PLEC: variants seen among roughly 807,000 people sequenced by gnomAD.
The protein encoded by PLEC is plectin, also known as hemidesmosomal protein 1.
Under a neutral mutation model 392.8 loss-of-function variants are expected in PLEC, and 216 were observed. That is an observed-to-expected ratio of 0.55 (90% CI 0.49 to 0.62). The LOEUF (loss-of-function observed/expected upper bound fraction) is 0.62, where lower values mean the gene tolerates loss of function less well. Ranked by LOEUF, PLEC falls within the 20% of genes least tolerant of loss-of-function variation. The pLI, the probability that PLEC is intolerant of heterozygous loss-of-function variation, is 0.00. For missense variants in PLEC, 6,863 were observed against 6,563.4 expected (o/e 1.05, Z -1.58); for synonymous variants, 3,621 against 2,980.6 (o/e 1.21, Z -7.00).
upstream of PLEC, among the ~76,000 whole-genome samples, chr8:143,955,560 G>A (rs1420127273): frequency 7.2e-5 from 11 of 152,116 alleles, no homozygotes; most frequent in Admixed American, 5.9e-4. Flanking sequence ...TTTATAAAGA[G>A]ATCTAAAAAG....
At position 143,918,221 on chromosome 8, in the gene PLEC, T is replaced by C; in HGVS notation, c.11600A>G (p.Asp3867Gly). The stretch of plus-strand genomic sequence containing the variant: ...CAGGAGCAGCTGGCCGGTGCCGTCG[T>C]CACGACGGCACCGCCTGAGCAGCTG... ...YTQLLRRCRR[D>G]DGTGQLLLPL... The change falls in exon 32 of 32, where the codon GAC (aspartate) becomes GGC (glycine). Residue 3867 changes from aspartate to glycine, a missense_variant. Coordinates refer to ENST00000345136, the MANE Select transcript of PLEC (RefSeq NM_201384.3). 1 of 1,576,412 alleles carries C rather than the reference T, an allele frequency of 6.3e-7. No individual in the cohort carries two copies. The highest frequency in any genetic ancestry group is 2.3e-5 in the East Asian group (1 of 44,380).
chr8:143,943,807 C>T (rs1554730542), upstream of PLEC: 1 of 1,612,362 alleles, frequency 6.2e-7, no homozygotes, highest in Non-Finnish European at 8.5e-7. Flanking sequence ...ACCGACGTCC[C>T]CTGCGCCAGT....
upstream of PLEC, chr8:143,958,566 C>T: frequency 2.5e-6 from 1 of 403,870 alleles, no homozygotes; most frequent in South Asian, 1.7e-5. This position sits in a 1 kb window ranked among gnomAD's most constrained non-coding sequence, Gnocchi z 4.9. Flanking sequence ...ACCTCAAAGA[C>T]AGTGGTAGCC....
chr8:143,942,898 C>T (rs1214271094), upstream of PLEC, among the ~76,000 whole-genome samples: 1 of 152,204 alleles, frequency 6.6e-6, no homozygotes. Flanking sequence ...GGAGCTGAGC[C>T]GCGTCTGGCA....
upstream of PLEC, chr8:143,944,582 C>A: frequency 9.8e-7 from 1 of 1,017,078 alleles, no homozygotes; most frequent in South Asian, 2.5e-5. Context: ...TCAGCCCCAG[C>A]CCTCTGGCCC....
At chr8:143,968,072 G>A (rs1833204643) in intron 1 of PLEC, among the ~76,000 whole-genome samples, 1 of 151,824 alleles carries the variant, frequency 6.6e-6, no homozygotes, top group East Asian at 2.0e-4. Flanking sequence ...AGGTTGCAAT[G>A]AGCTGAGATC....
In PLEC at chr8:143,917,797, C is replaced by G; in HGVS notation, c.12024G>C (p.Glu4008Asp). Residue 4008 changes from glutamate (E) to aspartate (D), a missense_variant, in exon 32 of 32, where the codon GAG (glutamate) becomes GAC (aspartate). By Grantham distance (45) the Glu-to-Asp change is conservative (BLOSUM62 2). Transcript: ENST00000345136. ...PEFKDKLLSAERAVTGYKDPY... is the reference protein window; with the variant it reads ...PEFKDKLLSADRAVTGYKDPY... ...GGTCCTTGTACCCAGTGACGGCGCGCTCGGCCGACAGCAGCTTGTCCTTGA... is the reference window on the plus strand; with the variant it reads ...GGTCCTTGTACCCAGTGACGGCGCGGTCGGCCGACAGCAGCTTGTCCTTGA... 1 of 1,613,564 alleles carries G rather than the reference C, an allele frequency of 6.2e-7. No individual in the cohort carries two copies. Among genetic ancestry groups the G allele is most frequent in the Non-Finnish European group, 8.5e-7 (1 of 1,180,008 alleles).
In PLEC at chr8:143,923,363, G is replaced by A. The variant is rs1554692039; in HGVS notation, c.6566C>T (p.Thr2189Ile). 1.2e-6 allele frequency: 2 copies of A among 1,610,556 alleles called. No homozygotes were observed. Among genetic ancestry groups the A allele is most frequent in the Non-Finnish European group, 8.5e-7 (1 of 1,179,492 alleles). The change falls in exon 31 of 32, where the codon ACA becomes ATA. Residue 2189 changes from threonine (T) to isoleucine (I), a missense_variant. Coordinates refer to ENST00000345136, the MANE Select transcript of PLEC (RefSeq NM_201384.3). ...CTCCTCCAGCTGCAGCCGCAGTGTT[G>A]TCAGCTCCTGCTCCACCTGCGCCTT... ...RQKAQVEQEL[T>I]TLRLQLEETD...
Position 143,917,883 on chromosome 8 carries a change from T to C in PLEC, c.11938A>G (p.Ile3980Val). Residue 3980 changes from isoleucine to valine, a missense_variant, in exon 32 of 32, where the codon ATC becomes GTC. Physicochemically the swap from Ile to Val is conservative, Grantham distance 29. Transcript: ENST00000345136. ...TCCACCGTCAGCTTCAGTCCCTTGA[T>C]GGGGTCGATGACGTAACCGGTGGCC... ...QAATGYVIDP[I>V]KGLKLTVEEA... 6.2e-7 allele frequency: 1 copy of C among 1,613,010 alleles called. No homozygotes were observed. The highest frequency in any genetic ancestry group is 8.5e-7 in the Non-Finnish European group (1 of 1,179,926).
Position 143,923,201 on chromosome 8 carries a change from A to G in PLEC, c.6728T>C (p.Leu2243Pro), listed in dbSNP as rs1823534458. The G allele has an allele frequency of 6.2e-7, 1 of 1,602,252 alleles. No homozygotes were observed. Among genetic ancestry groups the G allele is most frequent in the African/African-American group, 1.3e-5 (1 of 74,760 alleles). The change falls in exon 31 of 32, where the codon CTC (leucine) becomes CCC (proline). Residue 2243 changes from leucine to proline, a missense_variant. Physicochemically the swap from Leu to Pro is moderately conservative, Grantham distance 98 (BLOSUM62 -3). Coordinates refer to ENST00000345136, the MANE Select transcript of PLEC (RefSeq NM_201384.3). ...VRVQMEELSK[L>P]KARIEAENRA... ...GTTCTCAGCCTCGATGCGTGCCTTGAGCTTGCTCAGCTCCTCCATCTGCAC... is the reference window on the plus strand; with the variant it reads ...GTTCTCAGCCTCGATGCGTGCCTTGGGCTTGCTCAGCTCCTCCATCTGCAC...
Position 143,924,954 on chromosome 8 carries a change from G to A in PLEC, c.4975C>T (p.Gln1659Ter). 1 of 1,580,650 alleles carries A rather than the reference G, an allele frequency of 6.3e-7. No homozygotes were observed. The change falls in exon 31 of 32, where the codon CAG becomes TAG. Residue 1659 changes from glutamine to a stop codon, truncating the protein, a stop_gained. Transcript: ENST00000345136. LOFTEE classifies it high-confidence loss of function. ...EEVAQQKSLAQAEAEKQKEEA... is the reference protein window; with the variant it reads ...EEVAQQKSLA ...TCCTTCTGCTTCTCAGCCTCGGCCT[G>A]CGCCAGGCTCTTCTGCTGCGCCACC...
At position 143,919,560 on chromosome 8, in the gene PLEC, C is replaced by G. The variant is rs782234717; in HGVS notation, c.10261G>C (p.Glu3421Gln). ...EAVKAGVVGP[E>Q]LHEQLLSAEK... ...GCAGACAGCAGCTGCTCGTGAAGCTCGGGGCCCACCACGCCCGCCTTCACG... is the reference window on the plus strand; with the variant it reads ...GCAGACAGCAGCTGCTCGTGAAGCTGGGGGCCCACCACGCCCGCCTTCACG... The change falls in exon 32 of 32, where the codon GAG (glutamate) becomes CAG (glutamine). Residue 3421 changes from glutamate to glutamine, a missense_variant. Coordinates refer to ENST00000345136, the MANE Select transcript of PLEC (RefSeq NM_201384.3). The G allele has an allele frequency of 6.2e-7, 1 of 1,607,564 alleles. No individual in the cohort carries two copies. The highest frequency in any genetic ancestry group is 1.1e-5 in the South Asian group (1 of 90,922).
rs1209777415 is a variant in PLEC at position 143,921,646 on chromosome 8, C to G, written c.8175G>C (p.Thr2725=). The G allele has an allele frequency of 5.0e-6, 8 of 1,613,064 alleles. No homozygotes were observed. The highest frequency in any genetic ancestry group is 6.8e-6 in the Non-Finnish European group (8 of 1,179,920). Residue 2725 remains threonine (T), a synonymous_variant, in exon 32 of 32, where the codon ACG becomes ACC. Coordinates refer to ENST00000345136, the MANE Select transcript of PLEC (RefSeq NM_201384.3). ...CCTGCGCCTCCAGCAGGATGAGGGC[C>G]GTGCCGGGACTCAGCAGCTGCCTCT... ...ALQRQLLSPG[T]ALILLEAQAA...
intron 1 of PLEC, among the ~76,000 whole-genome samples, chr8:143,960,283 A>AAATAAT (rs530119507): frequency 2.2e-4 from 33 of 150,794 alleles, no homozygotes; most frequent in African/African-American, 6.6e-4. Context: ...ACTCCGTCTC[A>AAATAAT]AATAATAATA....
At chr8:143,945,356 C>T (rs1831306862) in intron 1 of PLEC, 1 of 353,176 alleles carries the variant, frequency 2.8e-6, no homozygotes. Flanking sequence ...ACCCAGGAGT[C>T]CCGAAGCCCT....
At chr8:143,973,781 C>T (rs1833559865), upstream of PLEC, among the ~76,000 whole-genome samples, 1 of 151,708 alleles carries the variant, frequency 6.6e-6, no homozygotes, top group Non-Finnish European at 1.5e-5. The surrounding 1 kb of genome is among the most constrained non-coding windows in gnomAD (Gnocchi z 5.6). Context: ...GTGGCCCCCG[C>T]CCAGGGGCGG....
In PLEC at chr8:143,925,445, T is replaced by G. The variant is rs781819832; in HGVS notation, c.4484A>C (p.Glu1495Ala). 16 of 1,595,634 alleles carry G rather than the reference T, an allele frequency of 1.0e-5. No individual in the cohort carries two copies. Among genetic ancestry groups the G allele is most frequent in the Non-Finnish European group, 3.4e-6 (4 of 1,177,894 alleles). Residue 1495 changes from glutamate to alanine, a missense_variant, in exon 31 of 32, where the codon GAG becomes GCG. Coordinates refer to ENST00000345136, the MANE Select transcript of PLEC (RefSeq NM_201384.3). ...AEAQKRQAQEEAERLRRQVQD... is the reference protein window; with the variant it reads ...AEAQKRQAQEAAERLRRQVQD... Reference sequence around the variant, plus strand: ...CACCTGCCTCCGCAAGCGCTCGGCCTCCTCCTGCGCCTGTCGCTTTTGTGC... The same window carrying G: ...CACCTGCCTCCGCAAGCGCTCGGCCGCCTCCTGCGCCTGTCGCTTTTGTGC...
chr8:143,974,815 C>A (rs950192751), upstream of PLEC, among the ~76,000 whole-genome samples: 1 of 152,228 alleles, frequency 6.6e-6, no homozygotes, highest in Non-Finnish European at 1.5e-5. The surrounding 1 kb of genome is among the most constrained non-coding windows in gnomAD (Gnocchi z 5.9). Flanking sequence ...CAACCAGGTA[C>A]CCCCTCCCTA....
At chr8:143,947,686 G>C (rs1456727387) in intron 1 of PLEC, among the ~76,000 whole-genome samples, 1 of 152,220 alleles carries the variant, frequency 6.6e-6, no homozygotes, top group Non-Finnish European at 1.5e-5. Context: ...GGAGGCGGAG[G>C]TTGCAGTGAG....
Sources: gnomAD v4.1 joint callset for allele counts (sites outside exome capture counted in the v4.1 genomes callset) on GRCh38, gnomAD v4.1.1 for gene constraint, Gnocchi (gnomAD v3.1) non-coding constraint, MANE v1.5 for transcripts, NCBI Gene and HGNC (gene_info 2026-07-23, HGNC 2026-07-21) for gene names.